Variants in CLEC16A observed in about 807,000 individuals in gnomAD.
CLEC16A encodes the protein C-type lectin domain containing 16A.
CLEC16A carries 51 observed loss-of-function variants against 109.5 expected under a neutral mutation model. The observed-to-expected ratio is 0.47, with a 90% CI of 0.37 to 0.59. The LOEUF is 0.59. Among genes scored for constraint, CLEC16A ranks in the 20% least tolerant of loss-of-function variants. The pLI is 0.00. For synonymous variants in CLEC16A, 673 were observed against 564.2 expected, an observed-to-expected ratio of 1.19 and a Z score of -2.73; for missense variants, 1,339 against 1,394.0, an observed-to-expected ratio of 0.96 and a Z score of 0.63.
Position 11,178,750 on chromosome 16 carries a change from T to C in CLEC16A, c.*60T>C. On this transcript the variant is annotated 3_prime_UTR_variant, in exon 24 of 24. Coordinates refer to ENST00000409790, the MANE Select transcript of CLEC16A (RefSeq NM_015226.3). This position sits in a 1 kb window ranked among gnomAD's most constrained non-coding sequence, Gnocchi z 6.5. ...CCGCTGGTAGGGACCCCAGTGCCGC[T>C]GACTGGCAAGACACACTGGGAGCAC... 7.6e-7 allele frequency: 1 copy of C among 1,323,532 alleles called. No individual in the cohort carries two copies. Among genetic ancestry groups the C allele is most frequent in the Non-Finnish European group, 1.0e-6 (1 of 997,212 alleles). 82.0% of individuals were successfully genotyped at this position (1,323,532 alleles called of 1,614,324 possible).
At chr16:11,005,364 G>A (rs1416050107) in intron 11 of CLEC16A, among the ~76,000 whole-genome samples, 2 of 152,162 alleles carry the variant, frequency 1.3e-5, no homozygotes, top group Non-Finnish European at 1.5e-5. Context: ...ACGTCCAAAA[G>A]CCTGTTTTCC....
chr16:11,117,067 G>T (rs7186295), intron 19 of CLEC16A, among the ~76,000 whole-genome samples: 1 of 151,990 alleles, frequency 6.6e-6, no homozygotes, highest in Non-Finnish European at 1.5e-5. Flanking sequence ...TAAGTGAATT[G>T]ATGTGGGAAC....
chr16:11,042,232 C>T (rs971487332), intron 14 of CLEC16A, 22 bp from the exon 15 acceptor site: 3 of 1,553,614 alleles, frequency 1.9e-6, no homozygotes, highest in Admixed American at 1.9e-5. Context: ...GTGTGCAAGG[C>T]TTACCCTGGT....
chr16:11,004,940 A>T (rs1389946760), intron 11 of CLEC16A, among the ~76,000 whole-genome samples: 2 of 152,118 alleles, frequency 1.3e-5, no homozygotes, highest in Non-Finnish European at 2.9e-5. Context: ...TAATTTGCTT[A>T]TTGGGGTCAT....
chr16:11,018,302 A>AG (rs2045886188), intron 11 of CLEC16A, among the ~76,000 whole-genome samples: 1 of 151,902 alleles, frequency 6.6e-6, no homozygotes. Context: ...AAAAAAAAAA[A>AG]AAACAGGTGA....
chr16:11,166,634 A>G (rs936876551), intron 23 of CLEC16A, 82 bp downstream of exon 23: 9 of 1,373,654 alleles, frequency 6.6e-6, no homozygotes, highest in Non-Finnish European at 8.7e-6. Flanking sequence ...CCTGACCTCC[A>G]GGTCCTCCTT....
intron 11 of CLEC16A, among the ~76,000 whole-genome samples, chr16:11,011,907 G>C (rs554893760): frequency 6.6e-6 from 1 of 151,492 alleles, no homozygotes; most frequent in African/African-American, 2.4e-5. Flanking sequence ...TCCTAACAAC[G>C]TCTACTCACT....
chr16:11,178,326 C>T lies in CLEC16A; in HGVS notation c.2807-9C>T, dbSNP rs1411055134. On this transcript the variant is annotated splice_polypyrimidine_tract_variant and intron_variant, in intron 23 of 23. Transcript: ENST00000409790. This position sits in a 1 kb window ranked among gnomAD's most constrained non-coding sequence, Gnocchi z 6.5. ...TCAGTGTGTTTCCGGTTTTTCTCCC[C>T]CAATCCAGATGCCCCCATGAGTCCA... 1.3e-6 allele frequency: 2 copies of T among 1,597,546 alleles called. No homozygotes were observed. Among genetic ancestry groups the T allele is most frequent in the Admixed American group, 1.7e-5 (1 of 59,398 alleles).
At chr16:10,950,306 C>T (rs1192982692) in intron 1 of CLEC16A, among the ~76,000 whole-genome samples, 1 of 152,164 alleles carries the variant, frequency 6.6e-6, no homozygotes, top group Non-Finnish European at 1.5e-5. Context: ...CAGCACAGGA[C>T]GTGGCAGATA....
chr16:10,985,699 T>A (rs1268612786), intron 10 of CLEC16A, among the ~76,000 whole-genome samples: 1 of 152,112 alleles, frequency 6.6e-6, no homozygotes, highest in Non-Finnish European at 1.5e-5. Context: ...GCTCTGGGGT[T>A]TGCAGCATTG....
At chr16:11,030,735 C>G (rs763480098) in intron 13 of CLEC16A, among the ~76,000 whole-genome samples, 1 of 152,198 alleles carries the variant, frequency 6.6e-6, no homozygotes, top group Non-Finnish European at 1.5e-5. Flanking sequence ...ACCTCCGCCT[C>G]CCAGGTTCAA....
chr16:11,010,287 A>AATCTCCCTTTC lies in CLEC16A; in HGVS notation c.1303+6994_1303+7004dup, dbSNP rs545159498. 3.4e-3 allele frequency among the ~76,000 whole-genome samples: 517 copies of AATCTCCCTTTC among 152,142 alleles called. 2 individuals are homozygous for AATCTCCCTTTC. Among genetic ancestry groups the AATCTCCCTTTC allele is most frequent in the African/African-American group, 0.012 (503 of 41,500 alleles). ...CTTGAATACCTCTTTCATAAACATG[A>AATCTCCCTTTC]ATCTCCCTTTCATCTCCCTTTCTCA... On this transcript the variant is annotated intron_variant, in intron 11 of 23. Transcript: ENST00000409790.
At chr16:11,059,289 T>C (rs1194769121) in intron 18 of CLEC16A, among the ~76,000 whole-genome samples, 1 of 152,250 alleles carries the variant, frequency 6.6e-6, no homozygotes, top group Non-Finnish European at 1.5e-5. Context: ...GACTGTACTT[T>C]TAAAAACTGT....
chr16:11,019,633 G>T (rs895409609), intron 11 of CLEC16A, among the ~76,000 whole-genome samples: 1 of 152,176 alleles, frequency 6.6e-6, no homozygotes. Context: ...GCTGGGTGTG[G>T]TGGCAAGCGC....
intron 7 of CLEC16A, among the ~76,000 whole-genome samples, 151 bp downstream of exon 7, chr16:10,973,212 A>C (rs1257069328): frequency 6.6e-6 from 1 of 152,162 alleles, no homozygotes; most frequent in African/African-American, 2.4e-5. Context: ...GGTCCTGCTC[A>C]CCTATTTGTA....
At chr16:11,177,586 T>G (rs1286642264) in intron 23 of CLEC16A, among the ~76,000 whole-genome samples, 2 of 140,472 alleles carry the variant, frequency 1.4e-5, no homozygotes, top group Admixed American at 7.4e-5. Context: ...GGCAACAGAG[T>G]GAGACTCCGC....
chr16:11,020,421 C>T lies in CLEC16A; in HGVS notation c.1436+96C>T, dbSNP rs1278417262. 19 of 1,390,838 alleles carry T rather than the reference C, an allele frequency of 1.4e-5. No homozygotes were observed. The East Asian group carries it at 4.2e-4, about 31-fold the overall frequency. 86.2% of individuals were successfully genotyped at this position (1,390,838 alleles called of 1,614,324 possible). A position where few individuals can be genotyped will look rare whatever the true frequency, so the allele number is the denominator to read the frequency against. On this transcript the variant is annotated intron_variant, in intron 12 of 23. Transcript: ENST00000409790. ...CCCTAGGGCCAGAGCCTCTTCTGTCCCTCAGCCCGACCATGCTGCCTCCCT... is the reference window on the plus strand; with the variant it reads ...CCCTAGGGCCAGAGCCTCTTCTGTCTCTCAGCCCGACCATGCTGCCTCCCT...
At chr16:11,157,317 C>A (rs1317807362) in intron 22 of CLEC16A, 1 of 958,172 alleles carries the variant, frequency 1.0e-6, no homozygotes, top group Non-Finnish European at 1.3e-6. Context: ...AACATCCCTT[C>A]CCCAGGTGCC....
chr16:11,016,924 TTCAGA>T (rs1212193022), intron 11 of CLEC16A, among the ~76,000 whole-genome samples: 1 of 145,864 alleles, frequency 6.9e-6, no homozygotes, highest in Non-Finnish European at 1.5e-5. Context: ...GACATCTGAC[TTCAGA>T]TCAGATGGGA....
Sources: gnomAD v4.1 joint callset for allele counts (sites outside exome capture counted in the v4.1 genomes callset) on GRCh38, gnomAD v4.1.1 for gene constraint, Gnocchi (gnomAD v3.1) non-coding constraint, MANE v1.5 for transcripts, NCBI Gene and HGNC (gene_info 2026-07-23, HGNC 2026-07-21) for gene names.